The following APBA3 variants were observed in gnomAD, a reference collection of about 807,000 sequenced individuals.
APBA3 encodes the protein amyloid-beta A4 precursor protein-binding family A member 3.
APBA3 carries 45 observed loss-of-function variants against 55.9 expected under a neutral mutation model. The ratio of observed to expected loss-of-function variants is 0.80; its 90% confidence interval spans 0.63 to 1.03. The LOEUF (loss-of-function observed/expected upper bound fraction) is 1.03. Ranked by LOEUF, APBA3 falls within the 50% of genes least tolerant of loss-of-function variation. The pLI is 0.00. For missense variants in APBA3, 865 were observed against 820.3 expected (o/e 1.05, Z -0.67); for synonymous variants, 370 against 353.3 (o/e 1.05, Z -0.53).
In APBA3 at chr19:3,759,728, C is replaced by A. The variant is rs374189083; in HGVS notation, c.537G>T (p.Val179=). 62 of 1,612,624 alleles carry A rather than the reference C, an allele frequency of 3.8e-5. No homozygotes were observed. The Admixed American group carries it at 8.3e-4, about 22-fold the overall frequency. The change falls in exon 2 of 11, where the codon GTG becomes GTT. Residue 179 remains valine, a synonymous_variant. Transcript: ENST00000316757. ...GTGGCTCTTCAGGTGTGACTAGAGG[C>A]ACCGTCTCCAGCCAGGGTTCCGGGG... ...SSSPEPWLET[V]PLVTPEEPPA...
In APBA3 at chr19:3,753,945, C is replaced by A; in HGVS notation, c.850-19G>T. 5.1e-6 allele frequency: 8 copies of A among 1,557,726 alleles called. No individual in the cohort carries two copies. Among genetic ancestry groups the A allele is most frequent in the Non-Finnish European group, 7.0e-6 (8 of 1,150,054 alleles). ...TGGCCTCCTGGGGCGGGAGAGGCAG[C>A]CTGGGTGGGTTGGGGGGCCGTGCCA... On this transcript the variant is annotated intron_variant, in intron 5 of 10. Coordinates refer to ENST00000316757, the MANE Select transcript of APBA3 (RefSeq NM_004886.4).
chr19:3,760,025 G>A lies in APBA3; in HGVS notation c.240C>T (p.Pro80=), dbSNP rs762824562. Residue 80 remains proline, a synonymous_variant, in exon 2 of 11, where the codon CCC becomes CCT. Coordinates refer to ENST00000316757, the MANE Select transcript of APBA3 (RefSeq NM_004886.4). ...GGCCTGTGGCAATGTGTAGGGGACAGGGGGCTCCACCTGGGGATGGGCCCA... is the reference window on the plus strand; with the variant it reads ...GGCCTGTGGCAATGTGTAGGGGACAAGGGGCTCCACCTGGGGATGGGCCCA... ...DLVGPSPGGA[P]CPLHIATGHG... is the part of the protein sequence containing the mutation. 1.2e-6 allele frequency: 2 copies of A among 1,613,096 alleles called. No individual in the cohort carries two copies. Among genetic ancestry groups the A allele is most frequent in the Non-Finnish European group, 1.7e-6 (2 of 1,179,966 alleles).
intron 3 of APBA3, among the ~76,000 whole-genome samples, chr19:3,759,354 C>T (rs563722704): frequency 1.3e-5 from 2 of 152,320 alleles, no homozygotes; most frequent in African/African-American, 4.8e-5. Context: ...TGCCAATGGC[C>T]GGAGCTGCCC....
chr19:3,757,124 C>CT (rs1186629941), intron 3 of APBA3, among the ~76,000 whole-genome samples: 3 of 147,060 alleles, frequency 2.0e-5, no homozygotes, highest in East Asian at 2.0e-4. Flanking sequence ...TTTTTTTTTT[C>CT]TTTTTTTTGA....
Position 3,752,924 on chromosome 19 carries a change from T to C in APBA3, c.1078A>G (p.Ser360Gly), listed in dbSNP as rs766965949. Residue 360 changes from serine (S) to glycine (G), a missense_variant, in exon 7 of 11, where the codon AGC (serine) becomes GGC (glycine). Transcript: ENST00000316757. Reference sequence around the variant, plus strand: ...CCCACCTGGCTGGGGTCAATACCGCTTTCCCGTAGGAACTGGCTGTAGGCG... The same window carrying C: ...CCCACCTGGCTGGGGTCAATACCGCCTTCCCGTAGGAACTGGCTGTAGGCG... ...AAAYSQFLRE[S>G]GIDPSQVGVH... The C allele has an allele frequency of 2.5e-6, 4 of 1,613,402 alleles. No individual in the cohort carries two copies. Among genetic ancestry groups the C allele is most frequent in the Admixed American group, 1.7e-5 (1 of 60,024 alleles).
chr19:3,758,200 C>T (rs540130251), intron 3 of APBA3, among the ~76,000 whole-genome samples: 1 of 152,170 alleles, frequency 6.6e-6, no homozygotes, highest in East Asian at 1.9e-4. Context: ...TCCCAAAGTG[C>T]TGGGATTATA....
intron 1 of APBA3, among the ~76,000 whole-genome samples, chr19:3,761,000 A>G (rs767250016): frequency 6.6e-6 from 1 of 152,144 alleles, no homozygotes. Context: ...TACTGTTCAT[A>G]CAGGGCACAT....
At position 3,751,555 on chromosome 19, in the gene APBA3, T is replaced by C. The variant is rs1217689204; in HGVS notation, c.1396-2A>G. The C allele has an allele frequency of 3.8e-6, 6 of 1,586,642 alleles. No homozygotes were observed. The African/African-American group carries it at 5.4e-5, about 14-fold the overall frequency. On this transcript the variant is annotated splice_acceptor_variant, in intron 8 of 10. Transcript: ENST00000316757. LOFTEE classifies it high-confidence loss of function. ...CACCGACGTCTGCGACTTCGTCTCC[T>C]GTGGGGCGGGGGCCGTTGGCCTCAC...
At chr19:3,758,430 A>G (rs1375329049) in intron 3 of APBA3, among the ~76,000 whole-genome samples, 2 of 150,776 alleles carry the variant, frequency 1.3e-5, no homozygotes. Context: ...GGCTAACTTT[A>G]AACATTTTTT....
chr19:3,751,533 C>T lies in APBA3; in HGVS notation c.1416G>A (p.Ser472=), dbSNP rs112086597. ...AAVRETKSQT[S]VTLSIVHCPP... ...GGCAGTGGACGATGCTGAGTGTCAC[C>T]GACGTCTGCGACTTCGTCTCCTGTG... Residue 472 remains serine, a synonymous_variant, in exon 9 of 11, where the codon TCG becomes TCA. Transcript: ENST00000316757. 644 of 1,589,636 alleles carry T rather than the reference C, an allele frequency of 4.1e-4. 3 individuals are homozygous for T. In the African/African-American group the frequency reaches 7.7e-3, roughly 19 times the overall value.
At chr19:3,751,633 CCT>C in intron 8 of APBA3, 80 bp from the exon 9 acceptor site, 1 of 1,469,746 alleles carries the variant, frequency 6.8e-7, no homozygotes, top group Non-Finnish European at 9.0e-7. Context: ...CTCAGTTTAC[CCT>C]CTCATAAACC....
intron 9 of APBA3, 39 bp downstream of exon 9, chr19:3,751,395 C>T (rs893220750): frequency 2.0e-6 from 3 of 1,515,068 alleles, no homozygotes; most frequent in East Asian, 2.5e-5. Context: ...TCAGGGCCGC[C>T]CTACCCCCCC....
chr19:3,760,165 C>G lies in APBA3; in HGVS notation c.100G>C (p.Asp34His). The G allele has an allele frequency of 6.2e-7, 1 of 1,613,344 alleles. No homozygotes were observed. The highest frequency in any genetic ancestry group is 1.1e-5 in the South Asian group (1 of 91,084). ...CCTGGCATAGGGTCCCACTGGCTGT[C>G]AGGGGTGAGGTCCTCCGAAGGCACA... ...ILVPSEDLTP[D>H]SQWDPMPGGP... Residue 34 changes from aspartate (D) to histidine (H), a missense_variant, in exon 2 of 11, where the codon GAC becomes CAC. Asp to His is a moderately conservative substitution (Grantham distance 81). Transcript: ENST00000316757.
At position 3,759,565 on chromosome 19, in the gene APBA3, CT is replaced by C; in HGVS notation, c.611del (p.Gln204ArgfsTer60). On this transcript the variant is annotated frameshift_variant, in exon 3 of 11. Coordinates refer to ENST00000316757, the MANE Select transcript of APBA3 (RefSeq NM_004886.4). LOFTEE classifies it high-confidence loss of function. ...TAGGGTGGGCGGGACACTCACCCTC[CT>C]GGGGGGCAGGGTAGGAAGCCAGGGT... ...PETLASYPAP[Q>X]EVPGPCDHED... 6.3e-7 allele frequency: 1 copy of C among 1,599,164 alleles called. No homozygotes were observed. The highest frequency in any genetic ancestry group is 8.5e-7 in the Non-Finnish European group (1 of 1,174,412).
rs373142621 is a variant in APBA3 at position 3,753,853 on chromosome 19, G to A, written c.923C>T (p.Ala308Val). ...ADIGCVLVLM[A>V]RRRLARRPAP... ...CGGCCTCCGTGCCAGCCGCCGCCGC[G>A]CCATCAGCACCAGCACGCAGCCGAT... The change falls in exon 6 of 11, where the codon GCG (alanine) becomes GTG (valine). Residue 308 changes from alanine (A) to valine (V), a missense_variant. Physicochemically the swap from Ala to Val is moderately conservative, Grantham distance 64. Coordinates refer to ENST00000316757, the MANE Select transcript of APBA3 (RefSeq NM_004886.4). 60 of 1,567,840 alleles carry A rather than the reference G, an allele frequency of 3.8e-5. No homozygotes were observed. The highest frequency in any genetic ancestry group is 3.5e-5 in the Non-Finnish European group (41 of 1,157,566).
At chr19:3,754,428 GAC>G (rs941779116) in intron 3 of APBA3, 88 bp from the exon 4 acceptor site, 12 of 1,485,888 alleles carry the variant, frequency 8.1e-6, no homozygotes, top group Non-Finnish European at 9.9e-6. Context: ...ATGGCCGGGA[GAC>G]ACAGTGTTCT....
intron 6 of APBA3, chr19:3,753,231 CT>C: frequency 1.7e-6 from 1 of 578,222 alleles, no homozygotes; most frequent in Non-Finnish European, 3.1e-6. Flanking sequence ...AGGCAGCTCC[CT>C]GCGCATGGGC....
In APBA3 at chr19:3,751,570, G is replaced by A. The variant is rs764738525; in HGVS notation, c.1396-17C>T. On this transcript the variant is annotated splice_polypyrimidine_tract_variant and intron_variant, in intron 8 of 10. Transcript: ENST00000316757. Reference sequence around the variant, plus strand: ...CTTCGTCTCCTGTGGGGCGGGGGCCGTTGGCCTCACTCAGCTGCCGGACAG... The same window carrying A: ...CTTCGTCTCCTGTGGGGCGGGGGCCATTGGCCTCACTCAGCTGCCGGACAG... The A allele has an allele frequency of 2.8e-5, 44 of 1,574,772 alleles. No individual in the cohort carries two copies. The South Asian group carries it at 3.2e-4, about 12-fold the overall frequency.
Position 3,760,149 on chromosome 19 carries a change from G to A in APBA3, c.116C>T (p.Pro39Leu). The A allele has an allele frequency of 6.2e-7, 1 of 1,613,440 alleles. No homozygotes were observed. Among genetic ancestry groups the A allele is most frequent in the South Asian group, 1.1e-5 (1 of 91,084 alleles). ...GAGGCTGCCGGGGCCTCCTGGCATA[G>A]GGTCCCACTGGCTGTCAGGGGTGAG... ...EDLTPDSQWD[P>L]MPGGPGSLSR... Residue 39 changes from proline to leucine, a missense_variant, in exon 2 of 11, where the codon CCT becomes CTT. Coordinates refer to ENST00000316757, the MANE Select transcript of APBA3 (RefSeq NM_004886.4).
Sources: gnomAD v4.1 joint callset for allele counts (sites outside exome capture counted in the v4.1 genomes callset) on GRCh38, gnomAD v4.1.1 for gene constraint, MANE v1.5 for transcripts, NCBI Gene and HGNC (gene_info 2026-07-23, HGNC 2026-07-21) for gene names.